Variants in F13A1 observed in about 807,000 individuals in gnomAD.
F13A1 encodes coagulation factor XIII A chain.
In F13A1, 47 loss-of-function variants were observed where a neutral mutation model predicts 80.1. That is an observed-to-expected ratio of 0.59 (90% CI 0.46 to 0.75). The LOEUF is 0.75. Among genes scored for constraint, F13A1 ranks in the 30% least tolerant of loss-of-function variants. The probability of loss-of-function intolerance (pLI) is 0.00; values close to 1 mark genes in which losing one functional copy is unlikely to be tolerated. For missense variants in F13A1, 817 were observed against 930.4 expected (o/e 0.88, Z 1.59); for synonymous variants, 349 against 344.9 (o/e 1.01, Z -0.13).
intron 10 of F13A1, among the ~76,000 whole-genome samples, chr6:6,186,608 C>G (rs958855078): frequency 6.6e-6 from 1 of 152,188 alleles, no homozygotes; most frequent in Non-Finnish European, 1.5e-5. Context: ...CAGTACCATG[C>G]TGTTTTGGTG....
At position 6,222,283 on chromosome 6, in the gene F13A1, T is replaced by A. The variant is rs1335155833; in HGVS notation, c.974-112A>T. On this transcript the variant is annotated intron_variant, in intron 7 of 14. Transcript: ENST00000264870. ...TTCCTGACCCAACATGAAAAGCCCT[T>A]TGGACATGTTATTCTCAAATGTTCC... is the stretch of plus-strand genomic sequence containing the variant. The A allele has an allele frequency of 1.4e-5, 19 of 1,384,106 alleles. No homozygotes were observed. The East Asian group carries it at 1.4e-4, about 11-fold the overall frequency. The allele number at this position is 1,384,106 out of a possible 1,614,324, so 85.7% of individuals were successfully genotyped here.
chr6:6,228,320 G>A (rs1757303663), intron 6 of F13A1, among the ~76,000 whole-genome samples: 1 of 152,152 alleles, frequency 6.6e-6, no homozygotes, highest in African/African-American at 2.4e-5. Flanking sequence ...AACAAAACAT[G>A]AGGACTATGG....
intron 6 of F13A1, among the ~76,000 whole-genome samples, chr6:6,234,520 C>T (rs1006674976): frequency 3.3e-5 from 5 of 151,888 alleles, no homozygotes; most frequent in African/African-American, 7.2e-5. Flanking sequence ...ATAAGTTAAG[C>T]ATCTTTGGGA....
At chr6:6,223,170 A>G (rs1757223904) in intron 7 of F13A1, among the ~76,000 whole-genome samples, 1 of 152,072 alleles carries the variant, frequency 6.6e-6, no homozygotes, top group Non-Finnish European at 1.5e-5. Context: ...TCCTTCCCCC[A>G]ATTTCCATCT....
At chr6:6,278,235 C>T (rs936047690) in intron 3 of F13A1, among the ~76,000 whole-genome samples, 17 of 151,948 alleles carry the variant, frequency 1.1e-4, no homozygotes, top group Non-Finnish European at 2.1e-4. Flanking sequence ...TGGGAGTATA[C>T]GGACAATAAA....
At position 6,148,123 on chromosome 6, in the gene F13A1, T is replaced by A. The variant is rs942407451; in HGVS notation, c.2046-2351A>T. ...GGAGTTTTTCTCTTGAAATAACATA[T>A]TGAACTGGATCATTTTCTAAAGAGC... On this transcript the variant is annotated intron_variant, in intron 14 of 14. Coordinates refer to ENST00000264870, the MANE Select transcript of F13A1 (RefSeq NM_000129.4). 3.9e-5 allele frequency among the ~76,000 whole-genome samples: 6 copies of A among 152,192 alleles called. No individual in the cohort carries two copies. In the East Asian group the frequency reaches 9.6e-4, roughly 24 times the overall value.
chr6:6,268,860 T>C (rs1348177789), intron 3 of F13A1, among the ~76,000 whole-genome samples: 1 of 152,014 alleles, frequency 6.6e-6, no homozygotes, highest in Non-Finnish European at 1.5e-5. Context: ...GGCTAACTTT[T>C]TGTATTTTTA....
At position 6,250,857 on chromosome 6, in the gene F13A1, TA is replaced by T; in HGVS notation, c.643del (p.Tyr215MetfsTer28). The T allele has an allele frequency of 6.2e-7, 1 of 1,613,740 alleles. No individual in the cohort carries two copies. Among genetic ancestry groups the T allele is most frequent in the Non-Finnish European group, 8.5e-7 (1 of 1,179,788 alleles). ...GGTCTTGATGTCATTGACCTCTCCA[TA>T]AAAAATTACCCCGATGTCATTCAGG... is the stretch of plus-strand genomic sequence containing the variant. ...YVLNDIGVIFYGEVNDIKTRS... is the reference protein window; with the variant it reads ...YVLNDIGVIFXGEVNDIKTRS... On this transcript the variant is annotated frameshift_variant, in exon 5 of 15. Coordinates refer to ENST00000264870, the MANE Select transcript of F13A1 (RefSeq NM_000129.4). LOFTEE classifies it high-confidence loss of function. This position sits in a 1 kb window ranked among gnomAD's most constrained non-coding sequence, Gnocchi z 4.2.
At chr6:6,238,558 T>C (rs552086895) in intron 6 of F13A1, among the ~76,000 whole-genome samples, 26 of 152,034 alleles carry the variant, frequency 1.7e-4, no homozygotes, top group Non-Finnish European at 3.7e-4. Context: ...TTACTTAAAA[T>C]ATGCCATTTA....
chr6:6,226,928 TG>T (rs1407717020), intron 6 of F13A1, among the ~76,000 whole-genome samples: 1 of 152,198 alleles, frequency 6.6e-6, no homozygotes, highest in Admixed American at 6.5e-5. Context: ...GTGGTGGTGA[TG>T]CTGGGGGGCC....
chr6:6,168,474 C>T (rs1760715632), intron 12 of F13A1, among the ~76,000 whole-genome samples: 1 of 152,160 alleles, frequency 6.6e-6, no homozygotes, highest in Non-Finnish European at 1.5e-5. Flanking sequence ...GTAGGCTGAG[C>T]CCAGGTGTGC....
intron 3 of F13A1, among the ~76,000 whole-genome samples, chr6:6,288,652 T>A (rs142825428): frequency 1.7e-3 from 263 of 152,352 alleles, no homozygotes; most frequent in African/African-American, 6.0e-3. Flanking sequence ...CTGATTTCAA[T>A]TTTCTTTAGA....
chr6:6,294,299 G>A (rs924135942), intron 3 of F13A1, among the ~76,000 whole-genome samples: 2 of 152,022 alleles, frequency 1.3e-5, no homozygotes, highest in Non-Finnish European at 2.9e-5. Context: ...TATAAAGCAG[G>A]CAGAAAAACT....
intron 11 of F13A1, among the ~76,000 whole-genome samples, chr6:6,178,293 G>A (rs1760919918): frequency 6.6e-6 from 1 of 152,140 alleles, no homozygotes; most frequent in Non-Finnish European, 1.5e-5. Flanking sequence ...CACTTATTAT[G>A]TGTCAGGCAC....
chr6:6,302,633 G>A (rs1183011506), intron 3 of F13A1, among the ~76,000 whole-genome samples: 4 of 152,158 alleles, frequency 2.6e-5, no homozygotes, highest in Non-Finnish European at 5.9e-5. Flanking sequence ...GAGTGAATGC[G>A]AAGGCCTAGG....
intron 2 of F13A1, among the ~76,000 whole-genome samples, chr6:6,308,883 C>T (rs79703148): frequency 0.063 from 9,608 of 152,034 alleles, 725 homozygotes; most frequent in East Asian, 0.2. Context: ...CTCAGCCTCC[C>T]TTAAAACACA....
At chr6:6,246,501 C>T (rs973841590) in intron 6 of F13A1, among the ~76,000 whole-genome samples, 2 of 152,150 alleles carry the variant, frequency 1.3e-5, no homozygotes, top group Non-Finnish European at 2.9e-5. Context: ...CAAATTCTCC[C>T]CCTCCAAAAA....
chr6:6,228,753 A>AG (rs1257944747), intron 6 of F13A1, among the ~76,000 whole-genome samples: 31 of 150,990 alleles, frequency 2.1e-4, no homozygotes, highest in African/African-American at 7.6e-4. Context: ...AAAAAAAAAA[A>AG]GCTGATCTTT....
At chr6:6,296,448 A>G (rs1323361838) in intron 3 of F13A1, among the ~76,000 whole-genome samples, 2 of 146,246 alleles carry the variant, frequency 1.4e-5, no homozygotes, top group Admixed American at 6.7e-5. Flanking sequence ...GTTCTCCTTG[A>G]AGAGGTCCTT....
Sources: gnomAD v4.1 joint callset for allele counts (sites outside exome capture counted in the v4.1 genomes callset) on GRCh38, gnomAD v4.1.1 for gene constraint, Gnocchi (gnomAD v3.1) non-coding constraint, MANE v1.5 for transcripts, NCBI Gene and HGNC (gene_info 2026-07-23, HGNC 2026-07-21) for gene names.